Variants in PRKCA observed in about 807,000 individuals in gnomAD.
The protein encoded by PRKCA is protein kinase C alpha type.
Under a neutral mutation model 87.0 loss-of-function variants are expected in PRKCA, and 27 were observed. That is an observed-to-expected ratio of 0.31 (90% confidence interval 0.23 to 0.43). The LOEUF is 0.43. Among genes scored for constraint, PRKCA ranks in the 20% least tolerant of loss-of-function variants. The pLI, the probability that PRKCA is intolerant of heterozygous loss-of-function variation, is 1.00. For synonymous variants in PRKCA, 329 were observed against 311.1 expected (o/e 1.06, Z -0.61); for missense variants, 518 against 852.3 (o/e 0.61, Z 4.88).
intron 3 of PRKCA, among the ~76,000 whole-genome samples, chr17:66,616,106 C>T (rs1276827610): frequency 6.6e-6 from 1 of 152,176 alleles, no homozygotes; most frequent in Non-Finnish European, 1.5e-5. Context: ...TCATTGATGC[C>T]CCTTCCTAAG....
intron 2 of PRKCA, among the ~76,000 whole-genome samples, chr17:66,327,679 C>T (rs1462587717): frequency 1.3e-5 from 2 of 152,172 alleles, no homozygotes; most frequent in African/African-American, 4.8e-5. Flanking sequence ...ATCTTTTCTG[C>T]TCTCATCTCT....
chr17:66,588,273 T>C (rs1396076543), intron 3 of PRKCA, among the ~76,000 whole-genome samples: 1 of 152,106 alleles, frequency 6.6e-6, no homozygotes. Context: ...GAATTGTTTG[T>C]TTATATCTCT....
intron 3 of PRKCA, among the ~76,000 whole-genome samples, chr17:66,522,018 T>C (rs2144223479): frequency 6.6e-6 from 1 of 152,372 alleles, no homozygotes; most frequent in East Asian, 1.9e-4. Context: ...GTGGTTCCCT[T>C]AGCTACTATT....
intron 8 of PRKCA, among the ~76,000 whole-genome samples, chr17:66,709,493 G>A (rs1973272087): frequency 6.6e-6 from 1 of 151,418 alleles, no homozygotes; most frequent in Non-Finnish European, 1.5e-5. Flanking sequence ...TATTTTAGTA[G>A]AGACAAGGTT....
chr17:66,729,766 A>G (rs1032117973), intron 8 of PRKCA, among the ~76,000 whole-genome samples: 5 of 146,480 alleles, frequency 3.4e-5, no homozygotes, highest in Admixed American at 1.4e-4. Flanking sequence ...TGATCCCTGT[A>G]TGAGCGAGTT....
intron 2 of PRKCA, among the ~76,000 whole-genome samples, chr17:66,380,584 CTA>C (rs778843559): frequency 1.3e-5 from 2 of 152,086 alleles, no homozygotes; most frequent in Non-Finnish European, 2.9e-5. Flanking sequence ...TTAAATACTG[CTA>C]TATTTTTGAA....
intron 3 of PRKCA, among the ~76,000 whole-genome samples, chr17:66,621,864 T>G (rs1056891552): frequency 2.0e-5 from 3 of 152,162 alleles, no homozygotes; most frequent in Non-Finnish European, 2.9e-5. Flanking sequence ...TAGCAGGATT[T>G]TGCAGCTAAA....
chr17:66,380,099 C>T (rs7503593), intron 2 of PRKCA, among the ~76,000 whole-genome samples: 77,194 of 151,920 alleles, frequency 0.51, 21,794 homozygotes, highest in Non-Finnish European at 0.64. Flanking sequence ...ATTGAGCTGA[C>T]TACTAAGACG....
intron 5 of PRKCA, among the ~76,000 whole-genome samples, chr17:66,657,966 A>G (rs1971781495): frequency 6.6e-6 from 1 of 152,208 alleles, no homozygotes; most frequent in African/African-American, 2.4e-5. Context: ...AGAGGATACT[A>G]TGGTGCATTA....
intron 2 of PRKCA, among the ~76,000 whole-genome samples, chr17:66,442,066 C>CTT (rs112925414): frequency 3.6e-4 from 53 of 149,192 alleles, no homozygotes; most frequent in Non-Finnish European, 7.1e-4. Context: ...GTCTCTCTCT[C>CTT]TTTTTTTTTT....
chr17:66,461,262 G>A (rs548219885), intron 2 of PRKCA, among the ~76,000 whole-genome samples: 2 of 147,310 alleles, frequency 1.4e-5, no homozygotes, highest in South Asian at 4.4e-4. Context: ...ACTTTTAAAA[G>A]TTCATGTGCC....
chr17:66,368,380 A>ATT (rs1567793133), intron 2 of PRKCA, among the ~76,000 whole-genome samples: 551 of 29,760 alleles, frequency 0.019, 18 homozygotes, highest in East Asian at 0.054. Flanking sequence ...ATATATATAT[A>ATT]TATATATTTT....
At chr17:66,608,658 C>T (rs117539643) in intron 3 of PRKCA, among the ~76,000 whole-genome samples, 6,939 of 152,194 alleles carry the variant, frequency 0.046, 219 homozygotes, top group Non-Finnish European at 0.074. Flanking sequence ...CCTCCAGTTT[C>T]GTTATGGACG....
At chr17:66,613,667 G>A (rs987117908) in intron 3 of PRKCA, among the ~76,000 whole-genome samples, 6 of 151,088 alleles carry the variant, frequency 4.0e-5, no homozygotes, top group Non-Finnish European at 8.8e-5. Context: ...CTCTGCCTCC[G>A]ATTCACATGG....
intron 14 of PRKCA, chr17:66,777,634 T>C: frequency 1.0e-6 from 1 of 985,254 alleles, no homozygotes; most frequent in Non-Finnish European, 1.2e-6. Flanking sequence ...CTGCTTTTCA[T>C]GAAGTCACAA....
intron 3 of PRKCA, among the ~76,000 whole-genome samples, chr17:66,613,779 C>CT (rs57610655): frequency 0.56 from 38,557 of 69,076 alleles, 16,283 homozygotes; most frequent in Non-Finnish European, 0.66. Context: ...TGACTTCATC[C>CT]TTTTTTTTTT....
At chr17:66,408,521 G>A (rs1911553250) in intron 2 of PRKCA, among the ~76,000 whole-genome samples, 1 of 152,192 alleles carries the variant, frequency 6.6e-6, no homozygotes, top group African/African-American at 2.4e-5. Flanking sequence ...CCGTGTATAT[G>A]TTTGCGTGTG....
intron 5 of PRKCA, among the ~76,000 whole-genome samples, chr17:66,665,869 A>G (rs771856459): frequency 9.9e-5 from 15 of 152,194 alleles, no homozygotes; most frequent in Non-Finnish European, 2.2e-4. Context: ...TTATCCAGAA[A>G]AGCACACACA....
chr17:66,659,546 C>T (rs1971832740), intron 5 of PRKCA, among the ~76,000 whole-genome samples: 2 of 151,988 alleles, frequency 1.3e-5, no homozygotes, highest in Non-Finnish European at 2.9e-5. Flanking sequence ...AAGACCTTGT[C>T]TCTATAAAGA....
Sources: gnomAD v4.1 joint callset for allele counts (sites outside exome capture counted in the v4.1 genomes callset) on GRCh38, gnomAD v4.1.1 for gene constraint, MANE v1.5 for transcripts, NCBI Gene and HGNC (gene_info 2026-07-23, HGNC 2026-07-21) for gene names.